Variants in RGS6 observed in about 807,000 individuals in gnomAD.
RGS6 encodes regulator of G-protein signaling 6.
RGS6 carries 30 observed loss-of-function variants against 78.5 expected under a neutral mutation model. That is an observed-to-expected ratio of 0.38 (90% CI 0.29 to 0.52). The LOEUF (loss-of-function observed/expected upper bound fraction) is 0.52. Ranked by LOEUF, RGS6 falls within the 20% of genes least tolerant of loss-of-function variation. The pLI, the probability that RGS6 is intolerant of heterozygous loss-of-function variation, is 0.85. For missense variants in RGS6, 495 were observed against 609.7 expected, an observed-to-expected ratio of 0.81 and a Z score of 1.98; for synonymous variants, 206 against 206.0, an observed-to-expected ratio of 1.00 and a Z score of 0.00.
chr14:72,466,111 GATAA>G lies in RGS6; in HGVS notation c.459+295_459+298del, dbSNP rs970430949. Among the ~76,000 whole-genome samples the G allele has an allele frequency of 4.1e-4, 63 of 152,290 alleles. 1 individual carries two copies. The highest frequency in any genetic ancestry group is 1.4e-3 in the African/African-American group (58 of 41,566). ...ATTTTACCAAAGAGGACACAAGGAT[GATAA>G]ATAAACCCATGAAAAGATGTCCAAT... is the stretch of plus-strand genomic sequence containing the variant. On this transcript the variant is annotated intron_variant, in intron 7 of 17. Transcript: ENST00000553525.
intron 12 of RGS6, among the ~76,000 whole-genome samples, chr14:72,487,430 A>G (rs2096507917): frequency 6.6e-6 from 1 of 152,252 alleles, no homozygotes; most frequent in African/African-American, 2.4e-5. Flanking sequence ...TGAATAGGTT[A>G]TGTTACATGG....
At chr14:72,491,981 T>C (rs533762496) in intron 12 of RGS6, among the ~76,000 whole-genome samples, 1 of 152,226 alleles carries the variant, frequency 6.6e-6, no homozygotes, top group East Asian at 1.9e-4. Context: ...TTGAGAGAAA[T>C]TGAGCCACAT....
intron 2 of RGS6, among the ~76,000 whole-genome samples, chr14:72,082,742 C>A (rs1017992064): frequency 6.6e-5 from 10 of 151,902 alleles, no homozygotes; most frequent in African/African-American, 2.2e-4. Flanking sequence ...GGGAAAAAAA[C>A]CGGAAGTTCT....
At chr14:71,932,420 C>G (rs958323715), upstream of RGS6, 1 of 151,558 alleles carries the variant, frequency 6.6e-6, no homozygotes, top group Admixed American at 6.6e-5. Flanking sequence ...GCTCGCGGGC[C>G]GCGGAGCTGA....
At chr14:71,876,473 C>CTTTTTTTTTTTTTTTTTTTT in the RGS6 span, among the ~76,000 whole-genome samples, 2 of 72,470 alleles carry the variant, frequency 2.8e-5, no homozygotes, top group African/African-American at 1.2e-4. Flanking sequence ...GCAACCGCTG[C>CTTTTTTTTTTTTTTTTTTTT]TTTTTTTTTT....
chr14:71,958,195 C>T (rs2238281), intron 1 of RGS6, among the ~76,000 whole-genome samples: 22,955 of 152,070 alleles, frequency 0.15, 1,874 homozygotes, highest in Non-Finnish European at 0.17. Context: ...TAGTTGAGGA[C>T]CTACTATGTT....
intron 2 of RGS6, among the ~76,000 whole-genome samples, chr14:72,341,416 G>C (rs1330419956): frequency 6.6e-6 from 1 of 152,138 alleles, no homozygotes; most frequent in Non-Finnish European, 1.5e-5. Context: ...ATGAGATTTG[G>C]GTGGGGACAC....
upstream of RGS6, among the ~76,000 whole-genome samples, chr14:71,928,769 G>A (rs901665159): frequency 3.3e-5 from 5 of 152,172 alleles, no homozygotes; most frequent in African/African-American, 1.2e-4. Flanking sequence ...TGCATGCAGT[G>A]TGCCCTTAAT....
At chr14:72,427,662 G>A (rs930075203) in intron 3 of RGS6, among the ~76,000 whole-genome samples, 1 of 152,086 alleles carries the variant, frequency 6.6e-6, no homozygotes, top group African/African-American at 2.4e-5. Context: ...CTCGTTCAGG[G>A]TAGACTTTGG....
At chr14:71,867,834 T>C in the RGS6 span, among the ~76,000 whole-genome samples, 1 of 152,002 alleles carries the variant, frequency 6.6e-6, no homozygotes, top group Non-Finnish European at 1.5e-5. Flanking sequence ...GTGGGCTCAC[T>C]GGGGGCCATC....
At chr14:72,566,657 A>T (rs1378440534), downstream of RGS6, 2 of 147,586 alleles carry the variant, frequency 1.4e-5, no homozygotes, top group Admixed American at 6.9e-5. Flanking sequence ...ACACACACAC[A>T]CACACACACA....
At chr14:72,123,127 T>A (rs1300493854) in intron 2 of RGS6, among the ~76,000 whole-genome samples, 1 of 152,146 alleles carries the variant, frequency 6.6e-6, no homozygotes, top group Non-Finnish European at 1.5e-5. Context: ...CCACCACACC[T>A]GGCTAATTTT....
chr14:72,003,017 G>A (rs2083781043), intron 2 of RGS6, among the ~76,000 whole-genome samples: 1 of 152,138 alleles, frequency 6.6e-6, no homozygotes, highest in Non-Finnish European at 1.5e-5. Flanking sequence ...GTATCACTTA[G>A]CATATAAATC....
At chr14:71,990,010 G>T (rs1007404844) in intron 2 of RGS6, among the ~76,000 whole-genome samples, 1 of 152,140 alleles carries the variant, frequency 6.6e-6, no homozygotes, top group African/African-American at 2.4e-5. Context: ...TCACAGTTCT[G>T]CAGGTGTACA....
intron 12 of RGS6, among the ~76,000 whole-genome samples, chr14:72,479,589 G>T (rs534725570): frequency 6.6e-6 from 1 of 152,346 alleles, no homozygotes; most frequent in South Asian, 2.1e-4. Context: ...AAATGTGCTG[G>T]AAAGTTGCCC....
intron 17 of RGS6, among the ~76,000 whole-genome samples, chr14:72,542,848 A>T (rs1046692121): frequency 6.6e-6 from 1 of 152,124 alleles, no homozygotes; most frequent in Non-Finnish European, 1.5e-5. Context: ...ACATAGAGGG[A>T]TTATCTGTTA....
intron 6 of RGS6, 134 bp from the exon 7 acceptor site, chr14:72,465,624 G>A (rs1404031365): frequency 3.6e-6 from 2 of 556,152 alleles, no homozygotes; most frequent in African/African-American, 4.0e-5. Flanking sequence ...GTGGATGGGT[G>A]GATGGATGGA....
chr14:72,599,408 T>TTG, the RGS6 span, among the ~76,000 whole-genome samples: 19 of 115,704 alleles, frequency 1.6e-4, no homozygotes, highest in South Asian at 6.3e-3. Context: ...TTTTTTTTTT[T>TTG]TTTTTTTTTT....
chr14:72,527,184 T>C (rs2097130112), intron 15 of RGS6, among the ~76,000 whole-genome samples: 1 of 152,192 alleles, frequency 6.6e-6, no homozygotes, highest in Non-Finnish European at 1.5e-5. Flanking sequence ...ACAGCAGTGA[T>C]AGTGAATAGT....
Sources: gnomAD v4.1 joint callset for allele counts (sites outside exome capture counted in the v4.1 genomes callset) on GRCh38, gnomAD v4.1.1 for gene constraint, MANE v1.5 for transcripts, NCBI Gene and HGNC (gene_info 2026-07-23, HGNC 2026-07-21) for gene names.